SETBP1: variants seen among roughly 807,000 people sequenced by gnomAD.
SETBP1 encodes the protein SET-binding protein.
A neutral mutation model predicts 101.0 loss-of-function variants in SETBP1; 9 were observed. The ratio of observed to expected loss-of-function variants is 0.09; its 90% CI spans 0.05 to 0.16. The LOEUF (loss-of-function observed/expected upper bound fraction) is 0.16, where lower values mean the gene tolerates loss of function less well. SETBP1 is among the 10% of genes least tolerant of loss of function. SETBP1 has a pLI of 1.00. For synonymous variants in SETBP1, 818 were observed against 788.5 expected, an observed-to-expected ratio of 1.04 and a Z score of -0.63; for missense variants, 1,858 against 2,033.8, an observed-to-expected ratio of 0.91 and a Z score of 1.66.
intron 4 of SETBP1, among the ~76,000 whole-genome samples, chr18:45,014,396 A>G (rs1304039507): frequency 1.3e-5 from 2 of 152,246 alleles, no homozygotes; most frequent in African/African-American, 4.8e-5. Context: ...CACATTCCCC[A>G]GCAAGGGAGA....
intron 2 of SETBP1, among the ~76,000 whole-genome samples, chr18:44,711,754 G>A (rs992962695): frequency 2.7e-5 from 4 of 149,394 alleles, no homozygotes; most frequent in African/African-American, 9.9e-5. Context: ...TGTTGCCCAG[G>A]CTGGTCCTGA....
intron 4 of SETBP1, among the ~76,000 whole-genome samples, chr18:45,036,524 A>G (rs1438110258): frequency 6.6e-6 from 1 of 152,208 alleles, no homozygotes; most frequent in Non-Finnish European, 1.5e-5. Flanking sequence ...AACAAGGCAT[A>G]TTATACATAC....
intron 3 of SETBP1, among the ~76,000 whole-genome samples, chr18:44,901,010 G>T (rs2070033165): frequency 6.6e-6 from 1 of 152,170 alleles, no homozygotes. Flanking sequence ...AATTTAACAT[G>T]TGAATTCATT....
intron 5 of SETBP1, among the ~76,000 whole-genome samples, chr18:45,044,522 CTTG>C (rs1268320621): frequency 2.0e-5 from 3 of 152,160 alleles, no homozygotes; most frequent in East Asian, 1.9e-4. Flanking sequence ...ACCTCCAAAA[CTTG>C]TTGTTATTTT....
At position 45,064,720 on chromosome 18, in the gene SETBP1, C is replaced by T. The variant is rs1299919598; in HGVS notation, c.*1022C>T. On this transcript the variant is annotated 3_prime_UTR_variant, in exon 6 of 6. Transcript: ENST00000649279. ...AGAGTAACTGACAAACCACCAAAAACTGAAACCCCAGACCCACCAGAAAGA... is the reference window on the plus strand; with the variant it reads ...AGAGTAACTGACAAACCACCAAAAATTGAAACCCCAGACCCACCAGAAAGA... 6.6e-6 allele frequency: 1 copy of T among 151,076 alleles called. No homozygotes were observed. Among genetic ancestry groups the T allele is most frequent in the East Asian group, 1.9e-4 (1 of 5,150 alleles). 9.4% of individuals were successfully genotyped at this position (151,076 alleles called of 1,614,324 possible).
At chr18:45,000,783 G>A (rs2145330894) in intron 4 of SETBP1, among the ~76,000 whole-genome samples, 1 of 101,870 alleles carries the variant, frequency 9.8e-6, no homozygotes, top group African/African-American at 3.9e-5. Context: ...ACATCAACGG[G>A]AATGCACACA....
intron 2 of SETBP1, among the ~76,000 whole-genome samples, chr18:44,785,396 G>A (rs571348528): frequency 4.6e-5 from 7 of 152,170 alleles, no homozygotes; most frequent in Admixed American, 1.3e-4. Flanking sequence ...TGAATCTCTC[G>A]GTTATTAGAA....
intron 3 of SETBP1, among the ~76,000 whole-genome samples, chr18:44,919,338 T>TC (rs1428323405): frequency 6.9e-6 from 1 of 145,498 alleles, no homozygotes; most frequent in Non-Finnish European, 1.5e-5. Context: ...CTAAATCAAA[T>TC]CCCCCCATCT....
chr18:44,834,759 C>T (rs1308157381), intron 2 of SETBP1, among the ~76,000 whole-genome samples: 1 of 152,014 alleles, frequency 6.6e-6, no homozygotes. Flanking sequence ...AGAAAGTGAC[C>T]AACAGGGGCA....
upstream of SETBP1, among the ~76,000 whole-genome samples, chr18:44,680,631 G>C (rs1332239178): frequency 6.6e-6 from 1 of 152,184 alleles, no homozygotes; most frequent in Admixed American, 6.5e-5. Context: ...GCGGGCCGGC[G>C]GGTGGGCGGC....
At chr18:44,750,916 G>T (rs2070367947) in intron 2 of SETBP1, among the ~76,000 whole-genome samples, 1 of 152,194 alleles carries the variant, frequency 6.6e-6, no homozygotes, top group African/African-American at 2.4e-5. Flanking sequence ...AGTTGAGTAG[G>T]ACGTGGCTCT....
intron 2 of SETBP1, among the ~76,000 whole-genome samples, chr18:44,858,025 A>G (rs1667207035): frequency 6.6e-6 from 1 of 152,170 alleles, no homozygotes; most frequent in South Asian, 2.1e-4. Context: ...CTGGCGACAC[A>G]GCTGCTTCCA....
chr18:44,786,556 C>G (rs571846709), intron 2 of SETBP1, among the ~76,000 whole-genome samples: 1 of 152,108 alleles, frequency 6.6e-6, no homozygotes, highest in Non-Finnish European at 1.5e-5. Flanking sequence ...GATAAATATG[C>G]CTTCTTGGTA....
chr18:44,958,745 G>A (rs2071547229), intron 4 of SETBP1, among the ~76,000 whole-genome samples: 1 of 152,142 alleles, frequency 6.6e-6, no homozygotes, highest in South Asian at 2.1e-4. Context: ...GCTGTGAGCT[G>A]TTGTAAAAGG....
At chr18:44,836,633 T>G (rs2144497552) in intron 2 of SETBP1, among the ~76,000 whole-genome samples, 1 of 152,370 alleles carries the variant, frequency 6.6e-6, no homozygotes, top group South Asian at 2.1e-4. Context: ...CGTCATGGTT[T>G]TTGATGCTTC....
intron 3 of SETBP1, among the ~76,000 whole-genome samples, chr18:44,908,441 T>C (rs537275379): frequency 2.5e-4 from 38 of 152,198 alleles, no homozygotes; most frequent in Non-Finnish European, 4.3e-4. Context: ...ACTATTTATT[T>C]ATTGAAAAGA....
intron 3 of SETBP1, among the ~76,000 whole-genome samples, chr18:44,896,992 G>A (rs991014571): frequency 1.5e-4 from 23 of 152,158 alleles, no homozygotes; most frequent in Admixed American, 1.4e-3. Flanking sequence ...GATCGGAAAT[G>A]TTTACCCAGC....
intron 5 of SETBP1, among the ~76,000 whole-genome samples, chr18:45,039,391 G>C (rs1450321652): frequency 6.6e-6 from 1 of 152,134 alleles, no homozygotes; most frequent in African/African-American, 2.4e-5. Context: ...GACAGGCCTT[G>C]GGTTTGGCTT....
chr18:44,797,594 T>A (rs2071507271), intron 2 of SETBP1, among the ~76,000 whole-genome samples: 1 of 152,098 alleles, frequency 6.6e-6, no homozygotes, highest in Admixed American at 6.5e-5. Context: ...TCTCTTAGAA[T>A]TCTCTTGGCG....
Sources: allele counts gnomAD v4.1 joint callset (sites outside exome capture counted in the v4.1 genomes callset), GRCh38; gene constraint gnomAD v4.1.1; transcripts MANE v1.5; gene names NCBI Gene and HGNC (gene_info 2026-07-23, HGNC 2026-07-21).